NPEPPS: variants seen among roughly 807,000 people sequenced by gnomAD.
NPEPPS encodes aminopeptidase puromycin sensitive.
Under a neutral mutation model 115.5 loss-of-function variants are expected in NPEPPS, and 14 were observed. The observed-to-expected ratio is 0.12, with a 90% CI of 0.08 to 0.19. The LOEUF (loss-of-function observed/expected upper bound fraction) is 0.19, where lower values mean the gene tolerates loss of function less well. Ranked by LOEUF, NPEPPS falls within the 10% of genes least tolerant of loss-of-function variation. NPEPPS has a pLI of 1.00. For synonymous variants in NPEPPS, 285 were observed against 390.6 expected, an observed-to-expected ratio of 0.73 and a Z score of 3.19; for missense variants, 523 against 1,110.8, an observed-to-expected ratio of 0.47 and a Z score of 7.52.
At chr17:47,616,925 ACT>A (rs1358622315) in intron 19 of NPEPPS, among the ~76,000 whole-genome samples, 2 of 151,814 alleles carry the variant, frequency 1.3e-5, no homozygotes, top group African/African-American at 4.8e-5. Context: ...GTCTCCAGAC[ACT>A]CTGGTCAGTG....
At chr17:47,582,366 C>G (rs1332253477) in intron 4 of NPEPPS, 1 of 207,528 alleles carries the variant, frequency 4.8e-6, no homozygotes, top group East Asian at 1.3e-4. Context: ...AGGCAACTTA[C>G]CATGTTTTCC....
chr17:47,570,250 C>T (rs1225566101), intron 3 of NPEPPS, among the ~76,000 whole-genome samples: 2 of 152,080 alleles, frequency 1.3e-5, no homozygotes, highest in Non-Finnish European at 2.9e-5. Flanking sequence ...GGCAAAACCC[C>T]ATCTCTACCA....
intron 1 of NPEPPS, among the ~76,000 whole-genome samples, chr17:47,532,705 T>C (rs1378173753): frequency 4.1e-5 from 6 of 147,852 alleles, no homozygotes; most frequent in South Asian, 2.2e-4. Context: ...CTATTAGTTA[T>C]AACATACCAC....
chr17:47,574,150 TAAG>T (rs1911365141), intron 3 of NPEPPS, among the ~76,000 whole-genome samples: 1 of 152,088 alleles, frequency 6.6e-6, no homozygotes, highest in Admixed American at 6.6e-5. Context: ...GATATTTAGT[TAAG>T]AAGAAAGACT....
chr17:47,615,071 T>C (rs893095372), intron 19 of NPEPPS, among the ~76,000 whole-genome samples: 2 of 120,104 alleles, frequency 1.7e-5, no homozygotes, highest in African/African-American at 6.1e-5. Context: ...TTTACTTTCT[T>C]TCTTTTTTTT....
chr17:47,556,307 G>A (rs1406930992), intron 2 of NPEPPS, among the ~76,000 whole-genome samples: 2 of 151,428 alleles, frequency 1.3e-5, no homozygotes, highest in East Asian at 1.9e-4. Context: ...CTACCTTCAA[G>A]CATCTGTTTA....
At chr17:47,591,808 T>C in intron 10 of NPEPPS, 148 bp from the exon 11 acceptor site, 2 of 485,550 alleles carry the variant, frequency 4.1e-6, no homozygotes, top group East Asian at 3.5e-5. Context: ...AGTTACTACA[T>C]TTTTTTGAGG....
At chr17:47,593,788 T>C (rs1039826635) in intron 12 of NPEPPS, among the ~76,000 whole-genome samples, 2 of 152,190 alleles carry the variant, frequency 1.3e-5, no homozygotes, top group African/African-American at 2.4e-5. Flanking sequence ...CTGAATACCA[T>C]AGGCAATTAT....
At chr17:47,621,402 GAGA>G (rs1914564012) in intron 22 of NPEPPS, among the ~76,000 whole-genome samples, 5 of 152,092 alleles carry the variant, frequency 3.3e-5, no homozygotes, top group Admixed American at 6.6e-5. Flanking sequence ...TGAGAAAACT[GAGA>G]CTTAGAGCAG....
intron 18 of NPEPPS, 74 bp from the exon 19 acceptor site, chr17:47,613,595 C>T (rs569991555): frequency 8.1e-7 from 1 of 1,233,856 alleles, no homozygotes; most frequent in Admixed American, 1.8e-5. Flanking sequence ...TACTTGCTTT[C>T]TGTCTTTTCT....
intron 12 of NPEPPS, 38 bp downstream of exon 12, chr17:47,592,583 G>A (rs367725452): frequency 1.3e-6 from 2 of 1,522,612 alleles, no homozygotes; most frequent in African/African-American, 1.4e-5. Context: ...TGGAGAGAAA[G>A]TATTGTCACT....
rs1244348186 is a variant in NPEPPS, at chr17:47,601,652, A to G, written c.1645A>G (p.Ser549Gly). The change falls in exon 15 of 23, where the codon AGT (serine) becomes GGT (glycine). Residue 549 changes from serine to glycine, a missense_variant. By Grantham distance (56) the Ser-to-Gly change is moderately conservative (BLOSUM62 0). This residue lies in a region of NPEPPS where 372 missense variants were observed against 542.6 expected (regional missense o/e 0.69). Coordinates refer to ENST00000322157, the MANE Select transcript of NPEPPS (RefSeq NM_006310.4). ...QWMVPITIST[S>G]EDPNQAKLKI... ...GATGGTCCCTATCACAATCTCTACT[A>G]GTGAAGACCCCAACCAGGCCAAACT... The G allele has an allele frequency of 6.2e-7, 1 of 1,612,390 alleles. No individual in the cohort carries two copies. Among genetic ancestry groups the G allele is most frequent in the Non-Finnish European group, 8.5e-7 (1 of 1,179,494 alleles).
At chr17:47,618,240 T>A in intron 19 of NPEPPS, 110 bp from the exon 20 acceptor site, 2 of 668,568 alleles carry the variant, frequency 3.0e-6, no homozygotes, top group Non-Finnish European at 5.2e-6. Context: ...TCTTACCTAG[T>A]GAGAATATAG....
chr17:47,552,147 G>A (rs1909699829), intron 2 of NPEPPS, among the ~76,000 whole-genome samples: 2 of 150,720 alleles, frequency 1.3e-5, no homozygotes, highest in South Asian at 4.2e-4. Context: ...TTTAATTTTT[G>A]TAGAGATGGG....
At chr17:47,526,511 A>G (rs1320684888), upstream of NPEPPS, among the ~76,000 whole-genome samples, 3 of 152,266 alleles carry the variant, frequency 2.0e-5, no homozygotes, top group South Asian at 2.1e-4. Flanking sequence ...ACTGGAGAAT[A>G]TATGTTAAAG....
rs139304145 is a variant in NPEPPS, at chr17:47,540,545, A to T, written c.256-5364A>T. The stretch of plus-strand genomic sequence containing the variant: ...ATACTGCGTTGTAGTCAGCACATAC[A>T]CTTATGTCCAAACAGATATTTTAAA... On this transcript the variant is annotated intron_variant, in intron 1 of 22. Transcript: ENST00000322157. 2.5e-3 allele frequency among the ~76,000 whole-genome samples: 380 copies of T among 152,322 alleles called. 3 individuals carry two copies. The highest frequency in any genetic ancestry group is 8.8e-3 in the African/African-American group (366 of 41,574).
intron 9 of NPEPPS, among the ~76,000 whole-genome samples, chr17:47,587,655 T>C (rs1051612336): frequency 2.0e-5 from 3 of 152,172 alleles, no homozygotes; most frequent in Admixed American, 6.5e-5. Context: ...GAATGAATCA[T>C]GCAGTGAGAT....
At chr17:47,564,851 A>G (rs1376815191) in intron 2 of NPEPPS, among the ~76,000 whole-genome samples, 2 of 151,910 alleles carry the variant, frequency 1.3e-5, no homozygotes, top group African/African-American at 4.8e-5. Flanking sequence ...TTGAATCAGT[A>G]TATTATGTTG....
chr17:47,547,188 T>TC (rs1052616387), intron 2 of NPEPPS, among the ~76,000 whole-genome samples: 2 of 152,182 alleles, frequency 1.3e-5, no homozygotes, highest in African/African-American at 4.8e-5. Context: ...GGAACTCCAT[T>TC]AGTGTCTATA....
Sources: allele counts gnomAD v4.1 joint callset (sites outside exome capture counted in the v4.1 genomes callset), GRCh38; gene constraint gnomAD v4.1.1; regional missense constraint gnomAD v4.1.1; transcripts MANE v1.5; gene names NCBI Gene and HGNC (gene_info 2026-07-23, HGNC 2026-07-21).